CENPP: variants seen among roughly 807,000 people sequenced by gnomAD.
CENPP encodes centromere protein P.
CENPP carries 24 observed loss-of-function variants against 35.6 expected under a neutral mutation model. The observed-to-expected ratio is 0.67, with a 90% CI of 0.49 to 0.95. CENPP has a LOEUF of 0.95. Ranked by LOEUF, CENPP falls within the 40% of genes least tolerant of loss-of-function variation. CENPP has a pLI of 0.00. For synonymous variants in CENPP, 120 were observed against 125.5 expected, an observed-to-expected ratio of 0.96 and a Z score of 0.29; for missense variants, 332 against 345.3, an observed-to-expected ratio of 0.96 and a Z score of 0.31.
rs981940509 is a variant in CENPP, at chr9:92,476,033, C to G, written c.564+96174C>G. Among the ~76,000 whole-genome samples the G allele has an allele frequency of 6.6e-6, 1 of 152,114 alleles. No individual in the cohort carries two copies. Among genetic ancestry groups the G allele is most frequent in the African/African-American group, 2.4e-5 (1 of 41,414 alleles). ...AAATTAAAAACATTATGAAATTATT[C>G]AAAATAGATGCATCCTAGAGATGCT... On this transcript the variant is annotated intron_variant, in intron 5 of 7. Transcript: ENST00000375587. This position sits in a 1 kb window ranked among gnomAD's most constrained non-coding sequence, Gnocchi z 4.1.
chr9:92,571,907 C>CTTTT (rs145507230), intron 5 of CENPP, among the ~76,000 whole-genome samples: 2 of 127,144 alleles, frequency 1.6e-5, no homozygotes, highest in Non-Finnish European at 1.6e-5. Context: ...TGCAACTCCT[C>CTTTT]TTTTTTTTTT....
In CENPP at chr9:92,536,613, C is replaced by T. The variant is rs147702078; in HGVS notation, c.565-74701C>T. Reference sequence around the variant, plus strand: ...GGCTCCTAATTACCTGTTACGCTGGCAAATTAGTTGTGTACTTTGGCCTCA... The same window carrying T: ...GGCTCCTAATTACCTGTTACGCTGGTAAATTAGTTGTGTACTTTGGCCTCA... On this transcript the variant is annotated intron_variant, in intron 5 of 7. Transcript: ENST00000375587. 2.6e-3 allele frequency: 400 copies of T among 152,424 alleles called. 1 individual carries two copies. Among genetic ancestry groups the T allele is most frequent in the Non-Finnish European group, 4.5e-3 (306 of 68,202 alleles). 9.4% of individuals were successfully genotyped at this position (152,424 alleles called of 1,614,324 possible).
chr9:92,415,961 T>C (rs2130956709), intron 5 of CENPP, among the ~76,000 whole-genome samples: 1 of 145,556 alleles, frequency 6.9e-6, no homozygotes, highest in Non-Finnish European at 1.5e-5. Context: ...ACGCTCTGTA[T>C]AAATTGTCAG....
At chr9:92,522,867 G>A in intron 5 of CENPP, 1 of 1,589,040 alleles carries the variant, frequency 6.3e-7, no homozygotes, top group Non-Finnish European at 8.5e-7. Context: ...CAATCTTCAT[G>A]TTTGATTTTT....
intron 5 of CENPP, among the ~76,000 whole-genome samples, chr9:92,525,134 A>G (rs910139012): frequency 6.6e-6 from 1 of 152,150 alleles, no homozygotes; most frequent in Non-Finnish European, 1.5e-5. Flanking sequence ...AGTAAGGAAC[A>G]TAGCAAGACC....
intron 5 of CENPP, among the ~76,000 whole-genome samples, chr9:92,578,970 T>C (rs1002187572): frequency 2.6e-5 from 4 of 152,190 alleles, no homozygotes; most frequent in African/African-American, 9.7e-5. Context: ...CTTGAATTGA[T>C]TTTTGTATAA....
chr9:92,521,123 CA>C (rs1373071420), intron 5 of CENPP, among the ~76,000 whole-genome samples: 1 of 152,138 alleles, frequency 6.6e-6, no homozygotes. Context: ...TGTGGTGATA[CA>C]ATCAAAAAGT....
At position 92,567,373 on chromosome 9, in the gene CENPP, G is replaced by GATATATATATATAT; in HGVS notation, c.565-43931_565-43918dup. ...ATGGGGTATACAGTTACATAAGATAGATATATATATATATATATATATAGA... is the reference window on the plus strand; with the variant it reads ...ATGGGGTATACAGTTACATAAGATAGATATATATATATATATATATATATATATATATATATAGA... On this transcript the variant is annotated intron_variant, in intron 5 of 7. Coordinates refer to ENST00000375587, the MANE Select transcript of CENPP (RefSeq NM_001012267.3). 7.1e-4 allele frequency among the ~76,000 whole-genome samples: 91 copies of GATATATATATATAT among 129,002 alleles called. 2 individuals carry two copies. The highest frequency in any genetic ancestry group is 6.9e-3 in the South Asian group (25 of 3,606). 84.6% of individuals were successfully genotyped at this position (129,002 alleles called of 152,430 possible).
chr9:92,577,467 A>G (rs1410244795), intron 5 of CENPP, among the ~76,000 whole-genome samples: 1 of 152,232 alleles, frequency 6.6e-6, no homozygotes, highest in Non-Finnish European at 1.5e-5. Flanking sequence ...GAACAACACC[A>G]TGGAGCTACA....
intron 5 of CENPP, chr9:92,522,575 C>T: frequency 6.2e-7 from 1 of 1,605,620 alleles, no homozygotes; most frequent in Non-Finnish European, 8.5e-7. Context: ...GTTCTCTTAC[C>T]TGGTAACACA....
At chr9:92,400,412 G>C (rs1434759189) in intron 5 of CENPP, among the ~76,000 whole-genome samples, 1 of 152,140 alleles carries the variant, frequency 6.6e-6, no homozygotes, top group Non-Finnish European at 1.5e-5. Context: ...GCCTCCCAAA[G>C]TACTGGGATT....
At chr9:92,517,859 A>G (rs764562092) in intron 5 of CENPP, 13 of 1,614,026 alleles carry the variant, frequency 8.1e-6, no homozygotes, top group East Asian at 2.2e-5. Context: ...CCTTTACCAA[A>G]CAGTGTCCCT....
At chr9:92,598,426 G>C (rs1347879943) in intron 5 of CENPP, among the ~76,000 whole-genome samples, 1 of 152,250 alleles carries the variant, frequency 6.6e-6, no homozygotes, top group East Asian at 1.9e-4. Context: ...AGAGTATCGG[G>C]AGTAGTGGGA....
intron 5 of CENPP, among the ~76,000 whole-genome samples, chr9:92,601,868 G>C (rs1370461174): frequency 6.6e-6 from 1 of 152,134 alleles, no homozygotes; most frequent in Non-Finnish European, 1.5e-5. Flanking sequence ...GGTGTGCACA[G>C]ACAGGGGTGG....
In CENPP at chr9:92,459,589, A is replaced by G. The variant is rs1845018771; in HGVS notation, c.564+79730A>G. ...TGCTAAAGTGTGTTATAAAAACTGA[A>G]GAAAAATACCAATATCTACTGAACA... is the stretch of plus-strand genomic sequence containing the variant. On this transcript the variant is annotated intron_variant, in intron 5 of 7. Coordinates refer to ENST00000375587, the MANE Select transcript of CENPP (RefSeq NM_001012267.3). 3 of 1,594,776 alleles carry G rather than the reference A, an allele frequency of 1.9e-6. No individual in the cohort carries two copies. In the African/African-American group the frequency reaches 4.0e-5, roughly 21 times the overall value.
At chr9:92,389,905 A>G (rs1842600296) in intron 5 of CENPP, 4 of 1,613,196 alleles carry the variant, frequency 2.5e-6, no homozygotes, top group Non-Finnish European at 3.4e-6. Flanking sequence ...TGTATTTTGC[A>G]TTAAATAAAG....
chr9:92,613,448 C>A lies in CENPP; in HGVS notation c.*299C>A, dbSNP rs1475563288. The A allele has an allele frequency of 4.6e-5, 15 of 327,350 alleles. No homozygotes were observed. In the East Asian group the frequency reaches 5.2e-4, roughly 11 times the overall value. The allele number at this position is 327,350 out of a possible 1,614,324, so 20.3% of individuals were successfully genotyped here. A position where few individuals can be genotyped will look rare whatever the true frequency, so the allele number is the denominator to read the frequency against. ...ATGTGTGGGGAGGATCCATCCCCCA[C>A]CCACTGCAGCCTCACACCGAGTCCA... is the stretch of plus-strand genomic sequence containing the variant. On this transcript the variant is annotated 3_prime_UTR_variant, in exon 8 of 8. Transcript: ENST00000375587.
At chr9:92,406,345 T>C (rs768703955) in intron 5 of CENPP, among the ~76,000 whole-genome samples, 21 of 152,118 alleles carry the variant, frequency 1.4e-4, no homozygotes, top group Non-Finnish European at 2.8e-4. Flanking sequence ...CCTGCTAAAG[T>C]ATTTGGGCTT....
In CENPP at chr9:92,411,223, C is replaced by T. The variant is rs151132761; in HGVS notation, c.564+31364C>T. On this transcript the variant is annotated intron_variant, in intron 5 of 7. Coordinates refer to ENST00000375587, the MANE Select transcript of CENPP (RefSeq NM_001012267.3). Reference sequence around the variant, plus strand: ...TCCTGACCTCGTGATCTGCCCTCCTCGGCCTCCCAAAGTGCTGGGATTACA... The same window carrying T: ...TCCTGACCTCGTGATCTGCCCTCCTTGGCCTCCCAAAGTGCTGGGATTACA... Among the ~76,000 whole-genome samples, 1,333 of 152,244 alleles carry T rather than the reference C, an allele frequency of 8.8e-3. 17 individuals are homozygous for T. Among genetic ancestry groups the T allele is most frequent in the African/African-American group, 0.03 (1,251 of 41,554 alleles).
Sources: gnomAD v4.1 joint callset for allele counts (sites outside exome capture counted in the v4.1 genomes callset) on GRCh38, gnomAD v4.1.1 for gene constraint, Gnocchi (gnomAD v3.1) non-coding constraint, MANE v1.5 for transcripts, NCBI Gene and HGNC (gene_info 2026-07-23, HGNC 2026-07-21) for gene names.